CSF2RA: variants seen among roughly 807,000 people sequenced by gnomAD.
The protein encoded by CSF2RA is granulocyte-macrophage colony-stimulating factor receptor subunit alpha.
CSF2RA carries 42 observed loss-of-function variants against 51.6 expected under a neutral mutation model. The observed-to-expected ratio is 0.81, with a 90% CI of 0.64 to 1.05. The LOEUF (loss-of-function observed/expected upper bound fraction) is 1.05, where lower values mean the gene tolerates loss of function less well. Ranked by LOEUF, CSF2RA falls within the 50% of genes least tolerant of loss-of-function variation. The pLI is 0.00. For missense variants in CSF2RA, 530 were observed against 501.1 expected, an observed-to-expected ratio of 1.06 and a Z score of -0.55; for synonymous variants, 222 against 193.0, an observed-to-expected ratio of 1.15 and a Z score of -1.24.
In CSF2RA at chrX:1,277,805, C is replaced by T. The variant is rs2089385751; in HGVS notation, c.-27+2987C>T. On this transcript the variant is annotated intron_variant, in intron 2 of 12. Transcript: ENST00000381529. Reference sequence around the variant, plus strand: ...CAGCCTGACCAACATGGTGAAACCCCATCTCTACTAAAAATACAAAAATTA... The same window carrying T: ...CAGCCTGACCAACATGGTGAAACCCTATCTCTACTAAAAATACAAAAATTA... 2.7e-5 allele frequency among the ~76,000 whole-genome samples: 4 copies of T among 147,208 alleles called. No individual in the cohort carries two copies. In the South Asian group the frequency reaches 6.5e-4, roughly 24 times the overall value.
downstream of CSF2RA, among the ~76,000 whole-genome samples, chrX:1,311,613 T>A (rs1475196088): frequency 6.6e-6 from 1 of 152,038 alleles, no homozygotes; most frequent in Non-Finnish European, 1.5e-5. Context: ...TTTTTTGTTT[T>A]GTTTTGTGTT....
At chrX:1,284,265 G>A (rs760052134) in intron 3 of CSF2RA, among the ~76,000 whole-genome samples, 28 of 143,708 alleles carry the variant, frequency 1.9e-4, no homozygotes, top group East Asian at 8.2e-4. Context: ...GTGCAGTGGC[G>A]TGATCTCGGC....
At chrX:1,280,039 C>G (rs1435519414) in intron 2 of CSF2RA, among the ~76,000 whole-genome samples, 2 of 152,020 alleles carry the variant, frequency 1.3e-5, no homozygotes, top group Non-Finnish European at 2.9e-5. Context: ...ATCCGCCTGC[C>G]TTGGCCTCCC....
At chrX:1,284,903 G>T (rs1248257990) in intron 3 of CSF2RA, among the ~76,000 whole-genome samples, 2 of 151,898 alleles carry the variant, frequency 1.3e-5, no homozygotes, top group Non-Finnish European at 2.9e-5. Flanking sequence ...CTGACCTCAG[G>T]TGATCCGCCC....
intron 4 of CSF2RA, among the ~76,000 whole-genome samples, chrX:1,287,926 G>A (rs60353851): frequency 4.2e-5 from 6 of 144,456 alleles, no homozygotes; most frequent in South Asian, 2.2e-4. Flanking sequence ...TAGTAGAGAC[G>A]GGGTTTCACC....
intron 7 of CSF2RA, among the ~76,000 whole-genome samples, chrX:1,291,903 G>T (rs2091437955): frequency 7.1e-6 from 1 of 140,622 alleles, no homozygotes; most frequent in South Asian, 2.3e-4. Flanking sequence ...CCTGGACCCA[G>T]TGTAGACAGG....
intron 1 of CSF2RA, among the ~76,000 whole-genome samples, chrX:1,274,007 A>T (rs1418544557): frequency 6.6e-6 from 1 of 152,026 alleles, no homozygotes; most frequent in Non-Finnish European, 1.5e-5. Context: ...TCTGAGAAGG[A>T]AGCTTGGCGG....
intron 6 of CSF2RA, among the ~76,000 whole-genome samples, chrX:1,289,628 GTGTTT>G (rs1246238984): frequency 2.7e-5 from 4 of 147,390 alleles, no homozygotes; most frequent in African/African-American, 5.0e-5. Context: ...GTTTTGTTTT[GTGTTT>G]TGTTTTGTGT....
chrX:1,314,832 G>C (rs375878662), downstream of CSF2RA, among the ~76,000 whole-genome samples: 97 of 48,724 alleles, frequency 2.0e-3, 8 homozygotes, highest in East Asian at 8.4e-3. Context: ...CTGCCCAACC[G>C]CACTGCACCT....
chrX:1,282,696 C>T lies in CSF2RA; in HGVS notation c.-8C>T. ...CCTGCAGCTCTTCCCTTCTCTCTGA[C>T]CAGCACCATGCTTCTCCTGGTGACA... On this transcript the variant is annotated 5_prime_UTR_variant, in exon 3 of 13. Coordinates refer to ENST00000381529, the MANE Select transcript of CSF2RA (RefSeq NM_172245.4). 6.2e-7 allele frequency: 1 copy of T among 1,611,288 alleles called. No individual in the cohort carries two copies. The highest frequency in any genetic ancestry group is 8.5e-7 in the Non-Finnish European group (1 of 1,177,438).
intron 2 of CSF2RA, among the ~76,000 whole-genome samples, chrX:1,280,970 CCTCCTGCTT>C (rs2089907967): frequency 7.6e-6 from 1 of 130,860 alleles, no homozygotes; most frequent in Non-Finnish European, 1.6e-5. Flanking sequence ...TCCTTCTCCT[CCTCCTGCTT>C]CTCCTCCTCC....
the CSF2RA span, among the ~76,000 whole-genome samples, chrX:1,321,742 C>T: frequency 6.6e-6 from 1 of 152,188 alleles, no homozygotes; most frequent in African/African-American, 2.4e-5. Context: ...AAAGGCAGAA[C>T]CCCGCTTCTT....
At chrX:1,280,938 C>CTCCTCCTTCTCCTCCTCG (rs2089889380) in intron 2 of CSF2RA, among the ~76,000 whole-genome samples, 1 of 132,972 alleles carries the variant, frequency 7.5e-6, no homozygotes, top group African/African-American at 2.9e-5. Flanking sequence ...TCTCCTCCTC[C>CTCCTCCTTCTCCTCCTCG]TCCTCCTGCT....
downstream of CSF2RA, among the ~76,000 whole-genome samples, chrX:1,314,661 G>A (rs1457295423): frequency 1.4e-3 from 1 of 716 alleles, no homozygotes; most frequent in Non-Finnish European, 4.0e-3. Context: ...CTGCCCAACT[G>A]CACTGCACTT....
chrX:1,315,100 A>G (rs1230569188), downstream of CSF2RA, among the ~76,000 whole-genome samples: 1 of 152,164 alleles, frequency 6.6e-6, no homozygotes, highest in Non-Finnish European at 1.5e-5. Context: ...TATAAGATGC[A>G]TGCAGGTGGG....
chrX:1,276,556 TAGAG>T (rs1323993495), intron 2 of CSF2RA, among the ~76,000 whole-genome samples: 1 of 151,556 alleles, frequency 6.6e-6, no homozygotes, highest in Non-Finnish European at 1.5e-5. Flanking sequence ...GTATTTTTAG[TAGAG>T]AGAGGGTTTC....
chrX:1,276,169 TTTTG>T (rs761009311), intron 2 of CSF2RA, among the ~76,000 whole-genome samples: 81,932 of 145,884 alleles, frequency 0.56, 24,420 homozygotes, highest in African/African-American at 0.77. Flanking sequence ...CCTGGCTAAA[TTTTG>T]TTTGTTTGTT....
downstream of CSF2RA, among the ~76,000 whole-genome samples, chrX:1,314,423 C>T (rs1369380330): frequency 3.4e-3 from 502 of 147,768 alleles, 3 homozygotes; most frequent in African/African-American, 0.013. Flanking sequence ...CGTACTGCAC[C>T]TGCCCAACCG....
chrX:1,322,131 T>G, the CSF2RA span, among the ~76,000 whole-genome samples: 1 of 151,784 alleles, frequency 6.6e-6, no homozygotes, highest in Non-Finnish European at 1.5e-5. Flanking sequence ...TTTGAGACAG[T>G]GTCTCACTCT....
Sources: allele counts gnomAD v4.1 joint callset (sites outside exome capture counted in the v4.1 genomes callset), GRCh38; gene constraint gnomAD v4.1.1; transcripts MANE v1.5; gene names NCBI Gene and HGNC (gene_info 2026-07-23, HGNC 2026-07-21).